Variants in CACNG3 observed in about 807,000 individuals in gnomAD.
CACNG3 encodes calcium voltage-gated channel auxiliary subunit gamma 3.
In CACNG3, 3 loss-of-function variants were observed where a neutral mutation model predicts 28.5. That is an observed-to-expected ratio of 0.11 (90% CI 0.05 to 0.27). CACNG3 has a LOEUF of 0.27. Among genes scored for constraint, CACNG3 ranks in the 10% least tolerant of loss-of-function variants. The probability of loss-of-function intolerance (pLI) is 1.00; values close to 1 mark genes in which losing one functional copy is unlikely to be tolerated. For synonymous variants in CACNG3, 174 were observed against 162.2 expected, an observed-to-expected ratio of 1.07 and a Z score of -0.55; for missense variants, 236 against 414.4, an observed-to-expected ratio of 0.57 and a Z score of 3.74.
In CACNG3 at chr16:24,286,407, GACAC is replaced by G. The variant is rs34888406; in HGVS notation, c.211+29466_211+29469del. ...CAAATGTCTTGATTATTAAATGAAG[GACAC>G]ACACACACACACACACACACACATA... On this transcript the variant is annotated intron_variant, in intron 1 of 3. Transcript: ENST00000005284. 6.4e-4 allele frequency among the ~76,000 whole-genome samples: 87 copies of G among 136,384 alleles called. 1 individual carries two copies. Among genetic ancestry groups the G allele is most frequent in the South Asian group, 1.7e-3 (7 of 4,204 alleles). The allele number at this position is 136,384 out of a possible 152,430, so 89.5% of individuals were successfully genotyped here.
chr16:24,274,174 G>A (rs574861222), intron 1 of CACNG3, among the ~76,000 whole-genome samples: 6 of 139,814 alleles, frequency 4.3e-5, no homozygotes, highest in Non-Finnish European at 7.6e-5. Context: ...GCGACAGTGC[G>A]AGACTCCATC....
At chr16:24,308,955 G>C (rs1042689339) in intron 1 of CACNG3, among the ~76,000 whole-genome samples, 1 of 151,668 alleles carries the variant, frequency 6.6e-6, no homozygotes, top group Non-Finnish European at 1.5e-5. Flanking sequence ...CCACTGGCCT[G>C]GCTACATTTC....
At chr16:24,288,001 G>C (rs1221699897) in intron 1 of CACNG3, among the ~76,000 whole-genome samples, 1 of 152,104 alleles carries the variant, frequency 6.6e-6, no homozygotes, top group Non-Finnish European at 1.5e-5. Context: ...GACCTGAAAA[G>C]GGAAGAAAGA....
At chr16:24,280,087 C>T (rs1273068654) in intron 1 of CACNG3, among the ~76,000 whole-genome samples, 2 of 152,158 alleles carry the variant, frequency 1.3e-5, no homozygotes, top group African/African-American at 4.8e-5. Context: ...GCTAAGGTTC[C>T]GTGTGACAGA....
In CACNG3 at chr16:24,361,927, T is replaced by A. The variant is rs1900108381; in HGVS notation, c.*64T>A. On this transcript the variant is annotated 3_prime_UTR_variant, in exon 4 of 4. Transcript: ENST00000005284. This position sits in a 1 kb window ranked among gnomAD's most constrained non-coding sequence, Gnocchi z 6.8. ...TGGGGGAAGTGTACAGAGATGTCTC[T>A]GAGGTTGCATGGCATGGTCCTTGTG... is the stretch of plus-strand genomic sequence containing the variant. The A allele has an allele frequency of 1.0e-5, 15 of 1,440,528 alleles. No individual in the cohort carries two copies. The South Asian group carries it at 2.0e-4, about 19-fold the overall frequency. The allele number at this position is 1,440,528 out of a possible 1,614,324, so 89.2% of individuals were successfully genotyped here. A position where few individuals can be genotyped will look rare whatever the true frequency, so the allele number is the denominator to read the frequency against.
intron 3 of CACNG3, among the ~76,000 whole-genome samples, chr16:24,355,691 T>C (rs1195035021): frequency 6.6e-6 from 1 of 152,204 alleles, no homozygotes; most frequent in Non-Finnish European, 1.5e-5. Context: ...GACAGCTACT[T>C]ATTGTTCAAG....
chr16:24,290,576 T>C (rs12598137), intron 1 of CACNG3, among the ~76,000 whole-genome samples: 30,879 of 152,108 alleles, frequency 0.2, 3,608 homozygotes, highest in Non-Finnish European at 0.28. Flanking sequence ...TCACCTCTAA[T>C]GGGGATAAAA....
At chr16:24,328,871 A>G (rs1481482596) in intron 1 of CACNG3, among the ~76,000 whole-genome samples, 1 of 152,116 alleles carries the variant, frequency 6.6e-6, no homozygotes, top group African/African-American at 2.4e-5. Flanking sequence ...TCCACCTCTG[A>G]TAACCTGGGA....
At chr16:24,267,209 G>A (rs62028550) in intron 1 of CACNG3, among the ~76,000 whole-genome samples, 30,852 of 151,948 alleles carry the variant, frequency 0.2, 3,609 homozygotes, top group Non-Finnish European at 0.28. Flanking sequence ...CTTGTGATCC[G>A]CCCGCCTTGG....
chr16:24,318,397 G>T (rs1899414970), intron 1 of CACNG3, among the ~76,000 whole-genome samples: 1 of 152,134 alleles, frequency 6.6e-6, no homozygotes, highest in Admixed American at 6.5e-5. Context: ...TCACCATGCT[G>T]GCCAGGCTGG....
At chr16:24,341,104 C>T (rs573736237) in intron 1 of CACNG3, among the ~76,000 whole-genome samples, 2 of 152,244 alleles carry the variant, frequency 1.3e-5, no homozygotes, top group South Asian at 4.1e-4. Context: ...GGAGGATACT[C>T]CTAAGAAAAT....
At chr16:24,350,316 CTT>C (rs111389260) in intron 2 of CACNG3, among the ~76,000 whole-genome samples, 25 of 142,954 alleles carry the variant, frequency 1.7e-4, no homozygotes, top group Middle Eastern at 3.7e-3. Flanking sequence ...CAAACATAAA[CTT>C]TTTTTTTTTT....
chr16:24,343,552 C>T (rs1899818315), intron 1 of CACNG3, among the ~76,000 whole-genome samples: 1 of 152,204 alleles, frequency 6.6e-6, no homozygotes, highest in African/African-American at 2.4e-5. Flanking sequence ...ATGGAGAAGC[C>T]ACTGGTCCAG....
chr16:24,273,415 G>A (rs1024044661), intron 1 of CACNG3, among the ~76,000 whole-genome samples: 1 of 151,962 alleles, frequency 6.6e-6, no homozygotes, highest in Non-Finnish European at 1.5e-5. Context: ...CTCACCTTTC[G>A]TAGACTGTCT....
chr16:24,313,108 G>GAAGGAAGGAAGGAAGA (rs1372732379), intron 1 of CACNG3, among the ~76,000 whole-genome samples: 1 of 151,274 alleles, frequency 6.6e-6, no homozygotes, highest in Non-Finnish European at 1.5e-5. Flanking sequence ...AGGAAGGAAG[G>GAAGGAAGGAAGGAAGA]AAGCTTCTGT....
chr16:24,295,107 C>G (rs1899014783), intron 1 of CACNG3, among the ~76,000 whole-genome samples: 1 of 152,178 alleles, frequency 6.6e-6, no homozygotes, highest in Non-Finnish European at 1.5e-5. Context: ...TAGACCTCCA[C>G]CTGCCAGTTT....
chr16:24,312,692 C>G (rs1244257582), intron 1 of CACNG3, among the ~76,000 whole-genome samples: 2 of 151,726 alleles, frequency 1.3e-5, no homozygotes, highest in Non-Finnish European at 2.9e-5. Context: ...GTGGCACACA[C>G]CTGCAGTCCC....
Position 24,361,404 on chromosome 16 carries a change from C to T in CACNG3, c.489C>T (p.Asp163=), listed in dbSNP as rs1387243846. The T allele has an allele frequency of 5.0e-6, 8 of 1,613,358 alleles. No homozygotes were observed. The highest frequency in any genetic ancestry group is 1.7e-5 in the Admixed American group (1 of 59,904). Reference sequence around the variant, plus strand: ...TTTATATATCAGCCAACGCCGGAGACCCCGGGCAGCGTGACTCCAAAAAAA... The same window carrying T: ...TTTATATATCAGCCAACGCCGGAGATCCCGGGCAGCGTGACTCCAAAAAAA... The part of the protein sequence containing the change: ...IIVYISANAG[D]PGQRDSKKSY... The change falls in exon 4 of 4, where the codon GAC becomes GAT. Residue 163 remains aspartate (D), a synonymous_variant. Transcript: ENST00000005284. The surrounding 1 kb of genome is among the most constrained non-coding windows in gnomAD (Gnocchi z 6.8).
At chr16:24,258,090 G>A (rs927563116) in intron 1 of CACNG3, among the ~76,000 whole-genome samples, 10 of 152,112 alleles carry the variant, frequency 6.6e-5, no homozygotes, top group African/African-American at 2.4e-4. Context: ...TTTCCTGTGT[G>A]GTCCCCTCCC....
Sources: allele counts gnomAD v4.1 joint callset (sites outside exome capture counted in the v4.1 genomes callset), GRCh38; gene constraint gnomAD v4.1.1; non-coding constraint Gnocchi (gnomAD v3.1); transcripts MANE v1.5; gene names NCBI Gene and HGNC (gene_info 2026-07-23, HGNC 2026-07-21).